Variants in AKR1C2 observed in about 807,000 individuals in gnomAD.
AKR1C2 encodes aldo-keto reductase family 1 member C2.
In AKR1C2, 27 loss-of-function variants were observed where a neutral mutation model predicts 39.8. The ratio of observed to expected loss-of-function variants is 0.68; its 90% CI spans 0.50 to 0.93. AKR1C2 has a LOEUF of 0.93. Ranked by LOEUF, AKR1C2 falls within the 40% of genes least tolerant of loss-of-function variation. The pLI, the probability that AKR1C2 is intolerant of heterozygous loss-of-function variation, is 0.00. For missense variants in AKR1C2, 263 were observed against 365.1 expected, an observed-to-expected ratio of 0.72 and a Z score of 2.28; for synonymous variants, 114 against 137.9, an observed-to-expected ratio of 0.83 and a Z score of 1.22.
intron 4 of AKR1C2, 42 bp downstream of exon 4, chr10:4,999,158 A>C (rs1554773509): frequency 6.6e-7 from 1 of 1,520,090 alleles, no homozygotes; most frequent in African/African-American, 1.4e-5. Context: ...GATGTATCCT[A>C]CCTCATCTTT....
At chr10:5,008,668 TG>T (rs1554774639), upstream of AKR1C2, among the ~76,000 whole-genome samples, 1 of 152,224 alleles carries the variant, frequency 6.6e-6, no homozygotes, top group African/African-American at 2.4e-5. Context: ...AGATGGAAGA[TG>T]GAAGATCAGG....
rs544529344 is a variant in AKR1C2, at chr10:4,989,049, T to C, written c.*947A>G. On this transcript the variant is annotated 3_prime_UTR_variant, in exon 9 of 9. Coordinates refer to ENST00000380753, the MANE Select transcript of AKR1C2 (RefSeq NM_001393392.1). Reference sequence around the variant, plus strand: ...GCTTTGGGATATTTATGTTTTATACTTGTAACTATGCCTTGTTTAAAGTAT... The same window carrying C: ...GCTTTGGGATATTTATGTTTTATACCTGTAACTATGCCTTGTTTAAAGTAT... 1 of 152,348 alleles carries C rather than the reference T, an allele frequency of 6.6e-6. No individual in the cohort carries two copies. Among genetic ancestry groups the C allele is most frequent in the Admixed American group, 6.5e-5 (1 of 15,302 alleles). The allele number at this position is 152,348 out of a possible 1,614,324, so 9.4% of individuals were successfully genotyped here.
rs1836773269 is a variant in AKR1C2, at chr10:4,989,868, T to C, written c.*128A>G. On this transcript the variant is annotated 3_prime_UTR_variant, in exon 9 of 9. Transcript: ENST00000380753. ...TCCGGCCGATGGGCTTAGCTGTAGC[T>C]TACTGAAGTCGCCAAGCAGGAGAGA... 1 of 1,396,944 alleles carries C rather than the reference T, an allele frequency of 7.2e-7. No homozygotes were observed. Among genetic ancestry groups the C allele is most frequent in the Admixed American group, 2.2e-5 (1 of 44,512 alleles). The allele number at this position is 1,396,944 out of a possible 1,614,324, so 86.5% of individuals were successfully genotyped here.
At position 4,989,671 on chromosome 10, in the gene AKR1C2, T is replaced by C; in HGVS notation, c.*325A>G. The stretch of plus-strand genomic sequence containing the variant: ...TGCAGAAATGAATCTTAAATGGTTG[T>C]TAACATCTTCCAACCCCGGCCCTAA... On this transcript the variant is annotated 3_prime_UTR_variant, in exon 9 of 9. Coordinates refer to ENST00000380753, the MANE Select transcript of AKR1C2 (RefSeq NM_001393392.1). 5.8e-6 allele frequency: 2 copies of C among 347,158 alleles called. No individual in the cohort carries two copies. Among genetic ancestry groups the C allele is most frequent in the South Asian group, 7.3e-5 (2 of 27,264 alleles). 21.5% of individuals were successfully genotyped at this position (347,158 alleles called of 1,614,324 possible).
chr10:5,013,746 A>C (rs1445325957), intron 1 of AKR1C2: 3 of 152,212 alleles, frequency 2.0e-5, no homozygotes, highest in Non-Finnish European at 4.4e-5. Flanking sequence ...ATTTTAAAAC[A>C]TATAGTTTAT....
chr10:5,012,686 T>C (rs1554775019), intron 1 of AKR1C2, among the ~76,000 whole-genome samples: 3 of 152,198 alleles, frequency 2.0e-5, no homozygotes. Flanking sequence ...ATTTTGGAAT[T>C]CTGATCTCCA....
In AKR1C2 at chr10:5,003,725, T is replaced by C. The variant is rs199517129; in HGVS notation, c.84+27A>G. On this transcript the variant is annotated intron_variant, in intron 1 of 8. Coordinates refer to ENST00000380753, the MANE Select transcript of AKR1C2 (RefSeq NM_001393392.1). Reference sequence around the variant, plus strand: ...TCCACTTACTCTAGCTCCTTTGAACTCTCAACACTAAAAATATTATTGTTA... The same window carrying C: ...TCCACTTACTCTAGCTCCTTTGAACCCTCAACACTAAAAATATTATTGTTA... 1.5e-5 allele frequency: 24 copies of C among 1,603,068 alleles called. No homozygotes were observed. The East Asian group carries it at 4.2e-4, about 28-fold the overall frequency.
chr10:4,998,817 C>A, intron 4 of AKR1C2, 70 bp from the exon 5 acceptor site: 1 of 1,597,774 alleles, frequency 6.3e-7, no homozygotes, highest in Non-Finnish European at 8.5e-7. Flanking sequence ...TAACATAGAA[C>A]TGTGAAAGCA....
Position 5,001,577 on chromosome 10 carries a change from C to T in AKR1C2, c.189G>A (p.Leu63=), listed in dbSNP as rs1416320993. 7 of 1,613,876 alleles carry T rather than the reference C, an allele frequency of 4.3e-6. No individual in the cohort carries two copies. Among genetic ancestry groups the T allele is most frequent in the Non-Finnish European group, 5.9e-6 (7 of 1,179,920 alleles). ...HVYNNEEQVG[L]AIRSKIADGS... is the part of the protein sequence containing the mutation. ...CATCTGCAATCTTGCTTCGGATGGC[C>T]AGTCCAACCTGCTCCTCATTATTGT... The change falls in exon 2 of 9, where the codon CTG becomes CTA. Residue 63 remains leucine, a synonymous_variant. Transcript: ENST00000380753.
At chr10:5,008,562 A>C (rs1837455720), upstream of AKR1C2, among the ~76,000 whole-genome samples, 1 of 152,152 alleles carries the variant, frequency 6.6e-6, no homozygotes. Context: ...TGGTGGAAAG[A>C]AACTGATCTC....
rs1554771819 is a variant in AKR1C2, at chr10:4,989,274, G to C, written c.*722C>G. 6.6e-6 allele frequency: 1 copy of C among 152,166 alleles called. No homozygotes were observed. Among genetic ancestry groups the C allele is most frequent in the African/African-American group, 2.4e-5 (1 of 41,426 alleles). The allele number at this position is 152,166 out of a possible 1,614,324, so 9.4% of individuals were successfully genotyped here. On this transcript the variant is annotated 3_prime_UTR_variant, in exon 9 of 9. Transcript: ENST00000380753. ...GGCCTGACTCTCAGCTGTGGGGTTTGTTAAAACAATGTGGAAAGTTTTCTT... is the reference window on the plus strand; with the variant it reads ...GGCCTGACTCTCAGCTGTGGGGTTTCTTAAAACAATGTGGAAAGTTTTCTT...
chr10:4,998,720 A>T lies in AKR1C2; in HGVS notation c.475T>A (p.Leu159Met). 6.2e-7 allele frequency: 1 copy of T among 1,614,156 alleles called. No individual in the cohort carries two copies. Among genetic ancestry groups the T allele is most frequent in the Non-Finnish European group, 8.5e-7 (1 of 1,180,036 alleles). Residue 159 changes from leucine (L) to methionine (M), a missense_variant, in exon 5 of 9, where the codon TTG (leucine) becomes ATG (methionine). Leu to Met is a conservative substitution (Grantham distance 15). Transcript: ENST00000380753. ...EAMEKCKDAG[L>M]AKSIGVSNFN... ...TTGGACACCCCGATGGACTTGGCCA[A>T]TCCTGCATCTTTACACTTCTCCATG...
chr10:5,015,513 C>T (rs1837618858), intron 1 of AKR1C2, among the ~76,000 whole-genome samples: 1 of 152,156 alleles, frequency 6.6e-6, no homozygotes, highest in African/African-American at 2.4e-5. Flanking sequence ...AACACAGACT[C>T]CTCATTGGTA....
chr10:5,016,369 T>C (rs1554775351), intron 1 of AKR1C2, among the ~76,000 whole-genome samples: 3 of 152,230 alleles, frequency 2.0e-5, no homozygotes, highest in African/African-American at 7.2e-5. Context: ...TAAATGCTTC[T>C]GTTCCAAAAT....
chr10:4,989,853 G>T lies in AKR1C2; in HGVS notation c.*143C>A. The T allele has an allele frequency of 8.3e-7, 1 of 1,211,374 alleles. No homozygotes were observed. The highest frequency in any genetic ancestry group is 1.2e-6 in the Non-Finnish European group (1 of 862,768). The allele number at this position is 1,211,374 out of a possible 1,614,324, so 75.0% of individuals were successfully genotyped here. ...TTATTGTCTTTCTTTTCCGGCCGAT[G>T]GGCTTAGCTGTAGCTTACTGAAGTC... On this transcript the variant is annotated 3_prime_UTR_variant, in exon 9 of 9. Transcript: ENST00000380753.
intron 1 of AKR1C2, among the ~76,000 whole-genome samples, chr10:5,002,557 G>A (rs2131706680): frequency 7.0e-6 from 1 of 143,702 alleles, no homozygotes. Flanking sequence ...ATGGGGTTCA[G>A]CTCCATAAAT....
chr10:4,995,495 A>G lies in AKR1C2; in HGVS notation c.681-11T>C, dbSNP rs782169754. 15 of 1,540,796 alleles carry G rather than the reference A, an allele frequency of 9.7e-6. No homozygotes were observed. Among genetic ancestry groups the G allele is most frequent in the Non-Finnish European group, 1.3e-5 (15 of 1,146,454 alleles). The stretch of plus-strand genomic sequence containing the variant: ...GAGTTCGGGTCCACCCTGGAAGGAA[A>G]GGCAGAAAGGCTGAGGCCCTGAGGC... On this transcript the variant is annotated splice_polypyrimidine_tract_variant and intron_variant, in intron 6 of 8. Transcript: ENST00000380753.
chr10:4,996,115 G>C lies in AKR1C2; in HGVS notation c.571-250C>G, dbSNP rs369014332. ...TTCTCAATAACTCCGACCACTAGAAGGAGACACGGCCAATTTCAGAGCTGG... is the reference window on the plus strand; with the variant it reads ...TTCTCAATAACTCCGACCACTAGAACGAGACACGGCCAATTTCAGAGCTGG... On this transcript the variant is annotated intron_variant, in intron 5 of 8. Coordinates refer to ENST00000380753, the MANE Select transcript of AKR1C2 (RefSeq NM_001393392.1). The C allele has an allele frequency of 6.6e-3, 4,021 of 612,140 alleles. 53 individuals are homozygous for C. Among genetic ancestry groups the C allele is most frequent in the African/African-American group, 0.038 (1,967 of 52,008 alleles). The allele number at this position is 612,140 out of a possible 1,614,324, so 37.9% of individuals were successfully genotyped here.
At chr10:5,010,222 G>A (rs1442059905) in intron 1 of AKR1C2, 2 of 151,196 alleles carry the variant, frequency 1.3e-5, no homozygotes, top group Non-Finnish European at 2.9e-5. Flanking sequence ...CAAAGCGCTC[G>A]CCCTGGCCTG....
Sources: gnomAD v4.1 joint callset for allele counts (sites outside exome capture counted in the v4.1 genomes callset) on GRCh38, gnomAD v4.1.1 for gene constraint, MANE v1.5 for transcripts, NCBI Gene and HGNC (gene_info 2026-07-23, HGNC 2026-07-21) for gene names.